Variants in COL4A1 observed in about 807,000 individuals in gnomAD.
COL4A1 encodes the protein collagen type IV alpha 1 chain, also known as collagen alpha-1(IV) chain.
Under a neutral mutation model 216.6 loss-of-function variants are expected in COL4A1, and 40 were observed. The ratio of observed to expected loss-of-function variants is 0.18; its 90% CI spans 0.14 to 0.24. The LOEUF is 0.24. Among genes scored for constraint, COL4A1 ranks in the 10% least tolerant of loss-of-function variants. COL4A1 has a pLI of 1.00. For missense variants in COL4A1, 1,628 were observed against 2,196.8 expected, an observed-to-expected ratio of 0.74 and a Z score of 5.18; for synonymous variants, 839 against 810.7, an observed-to-expected ratio of 1.03 and a Z score of -0.59.
Position 110,211,063 on chromosome 13 carries a change from A to G in COL4A1, c.468+584T>C, listed in dbSNP as rs1313073362. Among the ~76,000 whole-genome samples, 1 of 152,174 alleles carries G rather than the reference A, an allele frequency of 6.6e-6. No homozygotes were observed. The highest frequency in any genetic ancestry group is 1.5e-5 in the Non-Finnish European group (1 of 68,026). On this transcript the variant is annotated intron_variant, in intron 8 of 51. Coordinates refer to ENST00000375820, the MANE Select transcript of COL4A1 (RefSeq NM_001845.6). This position sits in a 1 kb window ranked among gnomAD's most constrained non-coding sequence, Gnocchi z 4.3. ...GGGCTATTATGAGGATCTATTTCCT[A>G]CGTGTTCTGAATCACAGGAGCGAGC...
intron 42 of COL4A1, 152 bp from the exon 43 acceptor site, chr13:110,169,914 C>CAGGA (rs938566478): frequency 9.0e-6 from 4 of 444,798 alleles, no homozygotes; most frequent in African/African-American, 7.1e-5. Flanking sequence ...GAGGCAGGTC[C>CAGGA]AGGAAGGAAG....
intron 2 of COL4A1, among the ~76,000 whole-genome samples, chr13:110,231,028 A>G (rs916606230): frequency 2.0e-5 from 3 of 152,222 alleles, no homozygotes; most frequent in Non-Finnish European, 4.4e-5. Flanking sequence ...ATGACGTTGC[A>G]TCCATAAAAC....
At chr13:110,276,199 A>G (rs1021712723) in intron 1 of COL4A1, among the ~76,000 whole-genome samples, 2 of 152,080 alleles carry the variant, frequency 1.3e-5, no homozygotes, top group Middle Eastern at 3.2e-3. Context: ...CTTCTGTACA[A>G]TTTTGCTGTG....
intron 2 of COL4A1, among the ~76,000 whole-genome samples, chr13:110,216,566 A>G (rs890879492): frequency 6.6e-6 from 1 of 152,214 alleles, no homozygotes; most frequent in African/African-American, 2.4e-5. Flanking sequence ...CAGTATCGCC[A>G]TGAGACCAGC....
chr13:110,183,259 C>G lies in COL4A1; in HGVS notation c.1915G>C (p.Gly639Arg). ...PGLPGPKGEP[G>R]KIVPLPGPPG... The stretch of plus-strand genomic sequence containing the variant: ...GGGCCTGGTAAAGGAACAATTTTTC[C>G]TGGTTCACCCTTTGGACCTAGAGGA... The change falls in exon 27 of 52, where the codon GGA (glycine) becomes CGA (arginine). Residue 639 changes from glycine to arginine, a missense_variant. Transcript: ENST00000375820. The G allele has an allele frequency of 1.9e-6, 3 of 1,613,398 alleles. No individual in the cohort carries two copies. The highest frequency in any genetic ancestry group is 2.5e-6 in the Non-Finnish European group (3 of 1,179,918).
chr13:110,161,115 T>C (rs1009893034), intron 49 of COL4A1, 77 bp downstream of exon 49: 4 of 1,478,462 alleles, frequency 2.7e-6, no homozygotes, highest in African/African-American at 2.8e-5. Context: ...TGGAGAAAAA[T>C]AGAAAACATA....
At chr13:110,232,638 T>C (rs1166263961) in intron 2 of COL4A1, among the ~76,000 whole-genome samples, 2 of 152,210 alleles carry the variant, frequency 1.3e-5, no homozygotes, top group African/African-American at 4.8e-5. Context: ...AAAAATATTT[T>C]TTCCCATAAA....
chr13:110,194,782 C>T (rs1594568574), intron 22 of COL4A1, among the ~76,000 whole-genome samples: 1 of 152,140 alleles, frequency 6.6e-6, no homozygotes, highest in Non-Finnish European at 1.5e-5. Context: ...TCACGGTCCT[C>T]GGAAAGGGAG....
At chr13:110,198,156 C>A (rs904083398) in intron 21 of COL4A1, among the ~76,000 whole-genome samples, 1 of 148,860 alleles carries the variant, frequency 6.7e-6, no homozygotes, top group Non-Finnish European at 1.5e-5. Flanking sequence ...AAGAAGAATG[C>A]ATTCTGTTTT....
chr13:110,202,636 A>C (rs1879301098), intron 18 of COL4A1, among the ~76,000 whole-genome samples: 1 of 152,212 alleles, frequency 6.6e-6, no homozygotes, highest in South Asian at 2.1e-4. Flanking sequence ...GAGAACGGTA[A>C]CATTTTCATT....
intron 1 of COL4A1, among the ~76,000 whole-genome samples, chr13:110,253,907 A>G (rs1187042369): frequency 6.6e-6 from 1 of 151,860 alleles, no homozygotes; most frequent in Non-Finnish European, 1.5e-5. Flanking sequence ...CTTCATGCCC[A>G]TCAACATGAT....
chr13:110,191,842 G>A (rs1878643618), intron 24 of COL4A1, among the ~76,000 whole-genome samples: 2 of 152,194 alleles, frequency 1.3e-5, no homozygotes, highest in African/African-American at 4.8e-5. Flanking sequence ...CAGAAAGACG[G>A]CACTTCGGCT....
chr13:110,231,010 G>T (rs1881033211), intron 2 of COL4A1, among the ~76,000 whole-genome samples: 1 of 152,156 alleles, frequency 6.6e-6, no homozygotes, highest in Admixed American at 6.5e-5. Context: ...GCCCCGTCAG[G>T]ATGATTAATG....
chr13:110,273,678 C>A (rs1040183643), intron 1 of COL4A1, among the ~76,000 whole-genome samples: 5 of 152,154 alleles, frequency 3.3e-5, no homozygotes, highest in African/African-American at 1.2e-4. Context: ...AGCATAGGCA[C>A]CAGGGAATGG....
At chr13:110,297,633 T>C (rs528843914) in intron 1 of COL4A1, among the ~76,000 whole-genome samples, 1 of 152,326 alleles carries the variant, frequency 6.6e-6, no homozygotes, top group South Asian at 2.1e-4. Context: ...GTCTCAGAAC[T>C]TAAATGAAAA....
intron 1 of COL4A1, among the ~76,000 whole-genome samples, chr13:110,305,611 G>C (rs1884662440): frequency 6.6e-6 from 1 of 152,248 alleles, no homozygotes; most frequent in Admixed American, 6.5e-5. Flanking sequence ...TCTTTGGAAA[G>C]TATTTTGTCA....
intron 1 of COL4A1, among the ~76,000 whole-genome samples, chr13:110,248,616 C>G (rs929507218): frequency 6.6e-6 from 1 of 152,168 alleles, no homozygotes; most frequent in East Asian, 1.9e-4. Context: ...CTCAGCCTCC[C>G]GAGTGGCTGG....
At chr13:110,252,803 T>C (rs1882213225) in intron 1 of COL4A1, among the ~76,000 whole-genome samples, 1 of 127,944 alleles carries the variant, frequency 7.8e-6, no homozygotes, top group Non-Finnish European at 1.6e-5. Flanking sequence ...GTATTACATA[T>C]ACAGATAACT....
At chr13:110,200,966 A>G in intron 19 of COL4A1, 77 bp from the exon 20 acceptor site, 1 of 1,521,328 alleles carries the variant, frequency 6.6e-7, no homozygotes, top group South Asian at 1.1e-5. Context: ...CTCTACTGAA[A>G]GCCTTGCTTG....
Sources: gnomAD v4.1 joint callset for allele counts (sites outside exome capture counted in the v4.1 genomes callset) on GRCh38, gnomAD v4.1.1 for gene constraint, Gnocchi (gnomAD v3.1) non-coding constraint, MANE v1.5 for transcripts, NCBI Gene and HGNC (gene_info 2026-07-23, HGNC 2026-07-21) for gene names.